LYRM4: variants seen among roughly 807,000 people sequenced by gnomAD.
LYRM4 encodes LYR motif-containing protein 4.
A neutral mutation model predicts 11.7 loss-of-function variants in LYRM4; 9 were observed. The observed-to-expected ratio is 0.77, with a 90% CI of 0.46 to 1.34. LYRM4 has a LOEUF of 1.34. Ranked by LOEUF, LYRM4 falls within the 40% of genes most tolerant of loss-of-function variation. The pLI is 0.00. For synonymous variants in LYRM4, 42 were observed against 40.4 expected, an observed-to-expected ratio of 1.04 and a Z score of -0.15; for missense variants, 133 against 112.5, an observed-to-expected ratio of 1.18 and a Z score of -0.82.
intron 2 of LYRM4, among the ~76,000 whole-genome samples, chr6:5,169,531 G>T (rs912811825): frequency 2.0e-5 from 3 of 152,122 alleles, no homozygotes; most frequent in African/African-American, 7.2e-5. Flanking sequence ...GGGTTCTAAG[G>T]TTACAAATAA....
At chr6:5,061,887 G>A in the LYRM4 span, among the ~76,000 whole-genome samples, 859 of 152,218 alleles carry the variant, frequency 5.6e-3, 6 homozygotes, top group African/African-American at 0.018. Context: ...TATCACCTTT[G>A]TAATTCTCTA....
chr6:5,115,023 AT>A (rs1763055999), intron 2 of LYRM4, among the ~76,000 whole-genome samples: 1 of 152,208 alleles, frequency 6.6e-6, no homozygotes, highest in Non-Finnish European at 1.5e-5. Context: ...TCATATTATG[AT>A]GCTTATATCA....
At chr6:5,180,626 C>T (rs1760015727) in intron 2 of LYRM4, among the ~76,000 whole-genome samples, 1 of 152,224 alleles carries the variant, frequency 6.6e-6, no homozygotes. Flanking sequence ...AACATGATCT[C>T]TGGTTCGTTG....
chr6:5,076,246 AT>A, the LYRM4 span, among the ~76,000 whole-genome samples: 8,619 of 145,748 alleles, frequency 0.059, 645 homozygotes, highest in African/African-American at 0.18. Flanking sequence ...GCGCCCAGCT[AT>A]TTTTTTTTTT....
chr6:5,254,321 CT>C (rs1448436203), intron 1 of LYRM4, among the ~76,000 whole-genome samples: 1 of 152,184 alleles, frequency 6.6e-6, no homozygotes, highest in African/African-American at 2.4e-5. Flanking sequence ...AGGGAAAACG[CT>C]TCCTTGACTA....
the LYRM4 span, among the ~76,000 whole-genome samples, chr6:5,067,171 T>G: frequency 6.6e-6 from 1 of 152,266 alleles, no homozygotes; most frequent in Non-Finnish European, 1.5e-5. Context: ...ACATTCCCCA[T>G]GTGCATCTTT....
chr6:5,144,515 C>T (rs1009775592), intron 2 of LYRM4, among the ~76,000 whole-genome samples: 1 of 149,812 alleles, frequency 6.7e-6, no homozygotes, highest in Non-Finnish European at 1.5e-5. Flanking sequence ...TGGGCGCCCG[C>T]AGTCCCAGCT....
chr6:5,191,948 C>T (rs534945306), intron 2 of LYRM4, among the ~76,000 whole-genome samples: 195 of 151,958 alleles, frequency 1.3e-3, no homozygotes, highest in African/African-American at 4.5e-3. Flanking sequence ...AGAAACAATC[C>T]GACAGATTAA....
intron 1 of LYRM4, among the ~76,000 whole-genome samples, chr6:5,254,274 A>G (rs1352142243): frequency 6.6e-6 from 1 of 152,166 alleles, no homozygotes; most frequent in Admixed American, 6.5e-5. Flanking sequence ...CTCGCTAACC[A>G]ACTTCCACTT....
At chr6:5,243,333 C>G (rs957101810) in intron 1 of LYRM4, among the ~76,000 whole-genome samples, 2 of 152,182 alleles carry the variant, frequency 1.3e-5, no homozygotes, top group Non-Finnish European at 2.9e-5. Context: ...CTTGTGCACA[C>G]GGCAAGGACT....
chr6:5,187,416 G>A (rs1331106416), intron 2 of LYRM4, among the ~76,000 whole-genome samples: 1 of 152,158 alleles, frequency 6.6e-6, no homozygotes, highest in Non-Finnish European at 1.5e-5. Flanking sequence ...TCATTAAGTG[G>A]CTAATTAGAT....
At chr6:5,244,775 T>C (rs971382788) in intron 1 of LYRM4, among the ~76,000 whole-genome samples, 2 of 151,738 alleles carry the variant, frequency 1.3e-5, no homozygotes, top group Non-Finnish European at 2.9e-5. Flanking sequence ...ATTCAACTCA[T>C]GAGGCACAAA....
rs567039298 is a variant in LYRM4 at position 5,233,996 on chromosome 6, C to A, written c.87-17258G>T. Among the ~76,000 whole-genome samples, 3 of 152,314 alleles carry A rather than the reference C, an allele frequency of 2.0e-5. No individual in the cohort carries two copies. The South Asian group carries it at 6.2e-4, about 32-fold the overall frequency. On this transcript the variant is annotated intron_variant, in intron 1 of 2. Coordinates refer to ENST00000330636, the MANE Select transcript of LYRM4 (RefSeq NM_020408.6). ...TGCAGTTCTACAGCCTGCCCTTTCA[C>A]CCCCTCCTCCCCAACAACTACAACT...
chr6:5,172,597 G>C (rs1383091678), intron 2 of LYRM4, among the ~76,000 whole-genome samples: 1 of 152,078 alleles, frequency 6.6e-6, no homozygotes, highest in African/African-American at 2.4e-5. Flanking sequence ...TCTGCAAAGG[G>C]AGGACCACAC....
At position 5,177,647 on chromosome 6, in the gene LYRM4, T is replaced by C. The variant is rs535366380; in HGVS notation, c.207+38971A>G. The stretch of plus-strand genomic sequence containing the variant: ...AATCCTTTTAGCTACAGCTGTCAAA[T>C]GTATCCTTACGGCACCAGGTTATTT... On this transcript the variant is annotated intron_variant, in intron 2 of 2. Transcript: ENST00000330636. Among the ~76,000 whole-genome samples, 182 of 152,340 alleles carry C rather than the reference T, an allele frequency of 1.2e-3. 2 individuals are homozygous for C. The highest frequency in any genetic ancestry group is 9.1e-3 in the South Asian group (44 of 4,830).
the LYRM4 span, among the ~76,000 whole-genome samples, chr6:5,081,330 G>C: frequency 6.6e-6 from 1 of 152,248 alleles, no homozygotes; most frequent in South Asian, 2.1e-4. Flanking sequence ...CCAGAGTGGA[G>C]GAGTGGTGTG....
At chr6:5,178,079 C>T (rs1561850864) in intron 2 of LYRM4, among the ~76,000 whole-genome samples, 1 of 152,080 alleles carries the variant, frequency 6.6e-6, no homozygotes, top group Non-Finnish European at 1.5e-5. Flanking sequence ...AGAGCAGTGA[C>T]TAAAATTGTC....
chr6:5,046,780 T>A, the LYRM4 span, among the ~76,000 whole-genome samples: 1 of 152,140 alleles, frequency 6.6e-6, no homozygotes, highest in African/African-American at 2.4e-5. Flanking sequence ...GCTTCCGTCA[T>A]ATTCTGTTGG....
intron 2 of LYRM4, among the ~76,000 whole-genome samples, chr6:5,127,355 G>A (rs767046551): frequency 1.3e-5 from 2 of 151,954 alleles, no homozygotes; most frequent in Non-Finnish European, 2.9e-5. Context: ...AATGCGCTGC[G>A]ATTACAGGCA....
Sources: gnomAD v4.1 joint callset for allele counts (sites outside exome capture counted in the v4.1 genomes callset) on GRCh38, gnomAD v4.1.1 for gene constraint, MANE v1.5 for transcripts, NCBI Gene and HGNC (gene_info 2026-07-23, HGNC 2026-07-21) for gene names.